Variants in CMSS1 observed in about 807,000 individuals in gnomAD.
The protein encoded by CMSS1 is protein CMSS1.
In CMSS1, 33 loss-of-function variants were observed where a neutral mutation model predicts 43.5. The observed-to-expected ratio is 0.76, with a 90% confidence interval of 0.57 to 1.01. The LOEUF (loss-of-function observed/expected upper bound fraction) is 1.01, where lower values mean the gene tolerates loss of function less well. CMSS1 is among the 50% of genes least tolerant of loss of function. The pLI, the probability that CMSS1 is intolerant of heterozygous loss-of-function variation, is 0.00. For missense variants in CMSS1, 313 were observed against 326.4 expected, an observed-to-expected ratio of 0.96 and a Z score of 0.32; for synonymous variants, 115 against 117.2, an observed-to-expected ratio of 0.98 and a Z score of 0.12.
intron 1 of CMSS1, among the ~76,000 whole-genome samples, chr3:99,986,488 GA>G (rs1709345710): frequency 6.6e-6 from 1 of 152,166 alleles, no homozygotes; most frequent in Admixed American, 6.5e-5. Flanking sequence ...TCTGAAAGTT[GA>G]TAGTGAAAGA....
intron 1 of CMSS1, among the ~76,000 whole-genome samples, chr3:99,908,066 T>C (rs936985224): frequency 6.6e-6 from 1 of 152,258 alleles, no homozygotes; most frequent in Non-Finnish European, 1.5e-5. Context: ...ATTTTTAAAC[T>C]GTCCAATTGT....
At chr3:100,077,233 C>G (rs2065864143) in intron 1 of CMSS1, among the ~76,000 whole-genome samples, 1 of 152,224 alleles carries the variant, frequency 6.6e-6, no homozygotes, top group South Asian at 2.1e-4. Flanking sequence ...AACACACCAT[C>G]ATGCAGAAAC....
chr3:99,822,433 A>G (rs557336757), intron 1 of CMSS1, among the ~76,000 whole-genome samples: 1 of 152,306 alleles, frequency 6.6e-6, no homozygotes, highest in African/African-American at 2.4e-5. Context: ...GACTGCAGGT[A>G]ATAATACCAG....
chr3:100,015,912 G>T (rs1032614230), intron 1 of CMSS1, among the ~76,000 whole-genome samples: 21 of 152,086 alleles, frequency 1.4e-4, no homozygotes, highest in Non-Finnish European at 1.5e-5. Context: ...CTCAAAAATT[G>T]TTTTTTTAAA....
chr3:100,083,260 C>T (rs918817958), intron 1 of CMSS1, among the ~76,000 whole-genome samples: 4 of 152,128 alleles, frequency 2.6e-5, no homozygotes, highest in African/African-American at 7.2e-5. Context: ...GGCTTGCTTG[C>T]GCCTGTAATT....
At chr3:99,884,455 C>A (rs1002666232) in intron 1 of CMSS1, among the ~76,000 whole-genome samples, 1 of 152,054 alleles carries the variant, frequency 6.6e-6, no homozygotes, top group Non-Finnish European at 1.5e-5. Flanking sequence ...AAATATGGAA[C>A]CTCTATAAAG....
At chr3:100,008,241 TC>T (rs1370239009) in intron 1 of CMSS1, among the ~76,000 whole-genome samples, 25 of 152,254 alleles carry the variant, frequency 1.6e-4, no homozygotes, top group Middle Eastern at 3.4e-3. Context: ...AGGTAACTAC[TC>T]CACCCCTGCT....
chr3:99,842,613 T>G (rs1294459218), intron 1 of CMSS1, among the ~76,000 whole-genome samples: 2 of 152,262 alleles, frequency 1.3e-5, no homozygotes, highest in East Asian at 3.9e-4. Context: ...CTAGTTTCAG[T>G]TTTTCAAAAT....
At chr3:99,918,795 A>G (rs1707034601) in intron 1 of CMSS1, among the ~76,000 whole-genome samples, 1 of 152,236 alleles carries the variant, frequency 6.6e-6, no homozygotes, top group South Asian at 2.1e-4. Flanking sequence ...TCTGTATAGA[A>G]TTACAATAAC....
At chr3:100,001,385 A>G (rs1243680072) in intron 1 of CMSS1, among the ~76,000 whole-genome samples, 3 of 152,332 alleles carry the variant, frequency 2.0e-5, no homozygotes, top group South Asian at 4.1e-4. Flanking sequence ...AAAATCTGAA[A>G]TATTACTATC....
At chr3:99,846,010 T>G (rs550540676) in intron 1 of CMSS1, among the ~76,000 whole-genome samples, 1 of 152,236 alleles carries the variant, frequency 6.6e-6, no homozygotes, top group Non-Finnish European at 1.5e-5. Flanking sequence ...ACAAGACTTA[T>G]GGTGTTAACT....
At chr3:99,983,470 A>G (rs12107753) in intron 1 of CMSS1, among the ~76,000 whole-genome samples, 651 of 9,714 alleles carry the variant, frequency 0.067, 19 homozygotes, top group East Asian at 0.27. Context: ...GTGTGTATAT[A>G]TATATATATA....
chr3:99,997,922 G>A (rs1709729818), intron 1 of CMSS1, among the ~76,000 whole-genome samples: 1 of 152,134 alleles, frequency 6.6e-6, no homozygotes, highest in Non-Finnish European at 1.5e-5. Flanking sequence ...TACAAATGTA[G>A]GCTTAGGATT....
At chr3:99,992,843 G>A (rs9873709) in intron 1 of CMSS1, among the ~76,000 whole-genome samples, 32,695 of 151,892 alleles carry the variant, frequency 0.22, 3,612 homozygotes, top group South Asian at 0.26. Flanking sequence ...ATTTTTGTAT[G>A]TGGTAAGAAG....
chr3:100,125,128 T>C (rs1576088536), intron 1 of CMSS1, among the ~76,000 whole-genome samples: 1 of 152,326 alleles, frequency 6.6e-6, no homozygotes, highest in South Asian at 2.1e-4. Flanking sequence ...GTGAAAGAAA[T>C]ATATAAATGC....
intron 1 of CMSS1, among the ~76,000 whole-genome samples, chr3:100,038,437 T>G (rs538848134): frequency 6.6e-6 from 1 of 152,230 alleles, no homozygotes; most frequent in Non-Finnish European, 1.5e-5. Flanking sequence ...ACCATTTTTT[T>G]GCTTATAGAG....
At chr3:100,062,702 C>T (rs568908122) in intron 1 of CMSS1, among the ~76,000 whole-genome samples, 12 of 152,312 alleles carry the variant, frequency 7.9e-5, no homozygotes, top group African/African-American at 2.9e-4. Context: ...TTAAAAGCCC[C>T]TATATCTTAG....
At position 99,823,001 on chromosome 3, in the gene CMSS1, T is replaced by A. The variant is rs557468839; in HGVS notation, c.64+4958T>A. 1.7e-3 allele frequency among the ~76,000 whole-genome samples: 256 copies of A among 152,332 alleles called. 1 individual carries two copies. The highest frequency in any genetic ancestry group is 0.01 in the Middle Eastern group (3 of 294). ...TGGTAAATAGGGGAGCTGTGATTCA[T>A]ATGCAGGCAGTCTGAAACCAGAGCC... On this transcript the variant is annotated intron_variant, in intron 1 of 9. Transcript: ENST00000421999.
At chr3:99,823,656 C>T (rs1327587513) in intron 1 of CMSS1, among the ~76,000 whole-genome samples, 1 of 152,180 alleles carries the variant, frequency 6.6e-6, no homozygotes, top group Non-Finnish European at 1.5e-5. Context: ...CAGCTAGAGG[C>T]CTTTTGAAAA....
Sources: allele counts gnomAD v4.1 joint callset (sites outside exome capture counted in the v4.1 genomes callset), GRCh38; gene constraint gnomAD v4.1.1; transcripts MANE v1.5; gene names NCBI Gene and HGNC (gene_info 2026-07-23, HGNC 2026-07-21).